Variants in SEMA3D observed in about 807,000 individuals in gnomAD.
SEMA3D encodes the protein semaphorin 3D.
A neutral mutation model predicts 100.1 loss-of-function variants in SEMA3D; 84 were observed. The observed-to-expected ratio is 0.84, with a 90% CI of 0.70 to 1.01. The LOEUF is 1.01. SEMA3D is among the 50% of genes least tolerant of loss of function. The probability of loss-of-function intolerance (pLI) is 0.00; values close to 1 mark genes in which losing one functional copy is unlikely to be tolerated. For synonymous variants in SEMA3D, 312 were observed against 320.7 expected (o/e 0.97, Z 0.29); for missense variants, 875 against 934.1 (o/e 0.94, Z 0.82).
chr7:85,237,554 G>T, the SEMA3D span, among the ~76,000 whole-genome samples: 1 of 152,118 alleles, frequency 6.6e-6, no homozygotes, highest in East Asian at 1.9e-4. Flanking sequence ...TTTTAAGATG[G>T]TTTATTTCAT....
chr7:85,055,101 C>T (rs897581407), intron 9 of SEMA3D, among the ~76,000 whole-genome samples: 6 of 152,000 alleles, frequency 3.9e-5, no homozygotes, highest in Admixed American at 3.3e-4. Context: ...TCTCTCAGAA[C>T]CTAAACTAGA....
At chr7:85,152,954 T>G (rs570397470) in intron 2 of SEMA3D, among the ~76,000 whole-genome samples, 14 of 152,272 alleles carry the variant, frequency 9.2e-5, no homozygotes, top group Admixed American at 7.9e-4. Context: ...AAGAAAGCTA[T>G]GCCTGCTAAT....
At chr7:85,107,453 G>A (rs1230196255) in intron 3 of SEMA3D, among the ~76,000 whole-genome samples, 10 of 152,028 alleles carry the variant, frequency 6.6e-5, no homozygotes, top group Admixed American at 2.0e-4. Flanking sequence ...TATAAGCAAT[G>A]AGAAAATGCT....
At position 85,029,224 on chromosome 7, in the gene SEMA3D, C is replaced by A. The variant is rs185765558; in HGVS notation, c.1192-6611G>T. ...CATGGTGCTCATCAGATTGAAGTCA[C>A]CTTTGATATTAATGCCAAGGGCATC... On this transcript the variant is annotated intron_variant, in intron 12 of 18. Coordinates refer to ENST00000284136, the MANE Select transcript of SEMA3D (RefSeq NM_001384900.1). The A allele has an allele frequency of 2.2e-4, 158 of 729,922 alleles. No homozygotes were observed. The African/African-American group carries it at 2.3e-3, about 11-fold the overall frequency. 45.2% of individuals were successfully genotyped at this position (729,922 alleles called of 1,614,324 possible).
intron 18 of SEMA3D, among the ~76,000 whole-genome samples, chr7:85,005,415 A>G (rs1272552645): frequency 6.6e-6 from 1 of 152,074 alleles, no homozygotes; most frequent in Non-Finnish European, 1.5e-5. Flanking sequence ...GGACTTATAG[A>G]AGTCAGGAAT....
At chr7:85,060,985 T>G (rs1446765037) in intron 8 of SEMA3D, among the ~76,000 whole-genome samples, 16 of 152,142 alleles carry the variant, frequency 1.1e-4, no homozygotes, top group Non-Finnish European at 2.2e-4. Flanking sequence ...ACTTCTTAGT[T>G]TTATCCTAAA....
At chr7:85,200,355 G>A in the SEMA3D span, among the ~76,000 whole-genome samples, 1 of 152,178 alleles carries the variant, frequency 6.6e-6, no homozygotes, top group Non-Finnish European at 1.5e-5. Context: ...TCCAGGCTGA[G>A]GTGGTCTCAG....
chr7:85,158,080 G>A (rs1339210801), intron 1 of SEMA3D, among the ~76,000 whole-genome samples: 3 of 152,152 alleles, frequency 2.0e-5, no homozygotes, highest in Admixed American at 6.5e-5. Context: ...CCTCAGGACC[G>A]TGTGATTATT....
intron 1 of SEMA3D, among the ~76,000 whole-genome samples, 191 bp from the exon 2 acceptor site, chr7:85,153,930 C>A (rs1253447140): frequency 6.6e-6 from 1 of 152,164 alleles, no homozygotes; most frequent in Non-Finnish European, 1.5e-5. Context: ...AGGTCTTCAA[C>A]TGATTGGATG....
chr7:85,247,663 G>A, the SEMA3D span, among the ~76,000 whole-genome samples: 2 of 152,082 alleles, frequency 1.3e-5, no homozygotes, highest in East Asian at 3.9e-4. Flanking sequence ...TAAAACTGTA[G>A]TAATCAAGGC....
At chr7:85,227,667 T>C in the SEMA3D span, among the ~76,000 whole-genome samples, 2 of 152,162 alleles carry the variant, frequency 1.3e-5, no homozygotes, top group African/African-American at 2.4e-5. Context: ...AAAATATATG[T>C]AATATATGTA....
At chr7:85,003,644 T>C (rs1789715876) in intron 18 of SEMA3D, among the ~76,000 whole-genome samples, 1 of 151,934 alleles carries the variant, frequency 6.6e-6, no homozygotes, top group African/African-American at 2.4e-5. Context: ...ATATCTGTAA[T>C]ATATAAATGA....
intron 1 of SEMA3D, among the ~76,000 whole-genome samples, chr7:85,169,527 G>A (rs757246108): frequency 6.6e-6 from 1 of 151,644 alleles, no homozygotes; most frequent in Non-Finnish European, 1.5e-5. Flanking sequence ...ATGATACGGA[G>A]GTTAAAATGT....
chr7:85,203,854 A>G, the SEMA3D span, among the ~76,000 whole-genome samples: 1 of 152,104 alleles, frequency 6.6e-6, no homozygotes. Context: ...AGTAATATCA[A>G]TGCTTTTCTC....
chr7:85,247,419 G>A, the SEMA3D span, among the ~76,000 whole-genome samples: 1 of 152,120 alleles, frequency 6.6e-6, no homozygotes, highest in Non-Finnish European at 1.5e-5. Flanking sequence ...GTCTTAGAGT[G>A]AGGAAGATTT....
At chr7:85,195,119 A>G in the SEMA3D span, among the ~76,000 whole-genome samples, 1 of 152,182 alleles carries the variant, frequency 6.6e-6, no homozygotes, top group Non-Finnish European at 1.5e-5. Flanking sequence ...AGATGAATAC[A>G]AAGCCGCCTG....
At chr7:85,247,520 A>G in the SEMA3D span, among the ~76,000 whole-genome samples, 2 of 152,108 alleles carry the variant, frequency 1.3e-5, no homozygotes, top group Non-Finnish European at 2.9e-5. Flanking sequence ...TTTAAAAAAG[A>G]AGTTATTTTG....
intron 7 of SEMA3D, 84 bp downstream of exon 7, chr7:85,068,107 A>T: frequency 1.2e-6 from 1 of 801,834 alleles, no homozygotes; most frequent in Non-Finnish European, 2.1e-6. Context: ...AATTACCTTT[A>T]ACTCAATAGG....
the SEMA3D span, among the ~76,000 whole-genome samples, chr7:85,197,023 T>G: frequency 8.3e-3 from 1,019 of 122,798 alleles, 7 homozygotes; most frequent in African/African-American, 0.035. Flanking sequence ...TTTTTTTAAT[T>G]TAATCCTGTA....
Sources: gnomAD v4.1 joint callset for allele counts (sites outside exome capture counted in the v4.1 genomes callset) on GRCh38, gnomAD v4.1.1 for gene constraint, MANE v1.5 for transcripts, NCBI Gene and HGNC (gene_info 2026-07-23, HGNC 2026-07-21) for gene names.